The following STK32C variants were observed in gnomAD, a reference collection of about 807,000 sequenced individuals.
STK32C encodes serine/threonine-protein kinase 32C.
Under a neutral mutation model 56.5 loss-of-function variants are expected in STK32C, and 31 were observed. That is an observed-to-expected ratio of 0.55 (90% confidence interval 0.41 to 0.74). The LOEUF (loss-of-function observed/expected upper bound fraction) is 0.74. Ranked by LOEUF, STK32C falls within the 30% of genes least tolerant of loss-of-function variation. STK32C has a pLI of 0.00. For synonymous variants in STK32C, 309 were observed against 289.4 expected (o/e 1.07, Z -0.69); for missense variants, 544 against 676.9 (o/e 0.80, Z 2.18).
chr10:132,245,817 G>C, intron 2 of STK32C, 83 bp downstream of exon 2: 1 of 1,392,260 alleles, frequency 7.2e-7, no homozygotes, highest in Non-Finnish European at 1.0e-6. Context: ...ATGGGAGTAG[G>C]TGGGCTCAGG....
At chr10:132,306,730 GTCA>G (rs1359639742) in intron 1 of STK32C, among the ~76,000 whole-genome samples, 1 of 152,254 alleles carries the variant, frequency 6.6e-6, no homozygotes, top group Non-Finnish European at 1.5e-5. Context: ...CATGAAATGT[GTCA>G]TCAATGTACG....
intron 8 of STK32C, among the ~76,000 whole-genome samples, 157 bp downstream of exon 8, chr10:132,224,250 G>C (rs927872487): frequency 7.2e-5 from 11 of 152,284 alleles, no homozygotes; most frequent in South Asian, 2.1e-4. Context: ...GCTTGGGGCT[G>C]CCATCTGCGG....
At chr10:132,310,047 C>A (rs1039463599), upstream of STK32C, among the ~76,000 whole-genome samples, 8 of 152,176 alleles carry the variant, frequency 5.3e-5, no homozygotes, top group Admixed American at 2.6e-4. The surrounding 1 kb of genome is among the most constrained non-coding windows in gnomAD (Gnocchi z 4.6). Flanking sequence ...GCCTCCCCGG[C>A]CCGGGCAGTT....
rs1447445365 is a variant in STK32C at position 132,208,956 on chromosome 10, C to T, written c.1319+78G>A. 64 of 1,400,658 alleles carry T rather than the reference C, an allele frequency of 4.6e-5. No homozygotes were observed. In the East Asian group the frequency reaches 1.4e-3, roughly 31 times the overall value. 86.8% of individuals were successfully genotyped at this position (1,400,658 alleles called of 1,614,324 possible). A position where few individuals can be genotyped will look rare whatever the true frequency, so the allele number is the denominator to read the frequency against. On this transcript the variant is annotated intron_variant, in intron 11 of 11. Coordinates refer to ENST00000298630, the MANE Select transcript of STK32C (RefSeq NM_173575.4). ...CCCCAGGCCCACAGGTGCCCGCTCA[C>T]GTGGCCAAGAAAACCTTAACCTTAG...
intron 2 of STK32C, among the ~76,000 whole-genome samples, chr10:132,245,646 G>A (rs1268305303): frequency 6.6e-6 from 1 of 152,234 alleles, no homozygotes; most frequent in African/African-American, 2.4e-5. Flanking sequence ...CCAAAGCTGC[G>A]ATTTTGTCCT....
At chr10:132,224,002 G>A (rs2062779724) in intron 8 of STK32C, among the ~76,000 whole-genome samples, 1 of 152,212 alleles carries the variant, frequency 6.6e-6, no homozygotes, top group Admixed American at 6.5e-5. Context: ...AGGAGGCACT[G>A]GGGCAAAGGG....
At chr10:132,291,014 G>A (rs1024538872) in intron 1 of STK32C, among the ~76,000 whole-genome samples, 2 of 152,166 alleles carry the variant, frequency 1.3e-5, no homozygotes, top group South Asian at 2.1e-4. Flanking sequence ...CCTCCCTTCC[G>A]GCTCTCTCCT....
At chr10:132,225,923 T>C in intron 4 of STK32C, 139 bp from the exon 5 acceptor site, 1 of 1,134,598 alleles carries the variant, frequency 8.8e-7, no homozygotes, top group South Asian at 1.4e-5. Flanking sequence ...GACTTGGTCC[T>C]TGGATGATGC....
chr10:132,248,949 G>C, intron 1 of STK32C: 1 of 456,692 alleles, frequency 2.2e-6, no homozygotes, highest in Non-Finnish European at 4.4e-6. Context: ...GAGAGGAAAA[G>C]GATGGGAAAC....
At chr10:132,304,874 C>G (rs1381078851) in intron 1 of STK32C, among the ~76,000 whole-genome samples, 1 of 152,234 alleles carries the variant, frequency 6.6e-6, no homozygotes, top group East Asian at 1.9e-4. Context: ...CAAAGCCCCT[C>G]AGGGAGGAGC....
chr10:132,289,400 A>C (rs913525603), intron 1 of STK32C, among the ~76,000 whole-genome samples: 1 of 152,238 alleles, frequency 6.6e-6, no homozygotes, highest in East Asian at 1.9e-4. Flanking sequence ...AACACAGTGC[A>C]TCTGTCCACC....
At chr10:132,262,995 G>A (rs1276544188) in intron 1 of STK32C, among the ~76,000 whole-genome samples, 1 of 152,198 alleles carries the variant, frequency 6.6e-6, no homozygotes, top group Non-Finnish European at 1.5e-5. Flanking sequence ...TACACTATTA[G>A]TGGGAATCTA....
chr10:132,226,478 A>G (rs947943248), intron 4 of STK32C, among the ~76,000 whole-genome samples: 2 of 152,200 alleles, frequency 1.3e-5, no homozygotes, highest in African/African-American at 4.8e-5. Flanking sequence ...AGGAGCCTTC[A>G]GTTAAATGGA....
intron 1 of STK32C, among the ~76,000 whole-genome samples, chr10:132,291,540 C>A (rs10870287): frequency 3.9e-5 from 6 of 152,058 alleles, no homozygotes; most frequent in East Asian, 3.9e-4. Context: ...GCTGTGCCCA[C>A]GAGATGCCAG....
intron 1 of STK32C, among the ~76,000 whole-genome samples, chr10:132,249,482 C>G (rs12218018): frequency 0.051 from 7,829 of 152,206 alleles, 586 homozygotes; most frequent in African/African-American, 0.16. Flanking sequence ...GCAGGGCTCA[C>G]CGCACCAGCG....
At chr10:132,238,503 G>T (rs1315295745) in intron 2 of STK32C, among the ~76,000 whole-genome samples, 1 of 152,210 alleles carries the variant, frequency 6.6e-6, no homozygotes, top group African/African-American at 2.4e-5. Flanking sequence ...GGAAAGCCAG[G>T]TGAGCAGGTT....
At chr10:132,260,203 T>C (rs1164082993) in intron 1 of STK32C, among the ~76,000 whole-genome samples, 3 of 152,166 alleles carry the variant, frequency 2.0e-5, no homozygotes, top group Non-Finnish European at 4.4e-5. Context: ...CCCAGCCACG[T>C]TGTCAGGGAC....
intron 1 of STK32C, among the ~76,000 whole-genome samples, chr10:132,302,204 C>T (rs2065930210): frequency 6.6e-6 from 1 of 152,230 alleles, no homozygotes; most frequent in Non-Finnish European, 1.5e-5. Context: ...GAGAATCAAT[C>T]CCTCAACAAA....
chr10:132,311,266 G>A (rs988124227), upstream of STK32C, among the ~76,000 whole-genome samples: 12 of 152,176 alleles, frequency 7.9e-5, no homozygotes, highest in Non-Finnish European at 1.5e-4. The surrounding 1 kb of genome is among the most constrained non-coding windows in gnomAD (Gnocchi z 4.4). Context: ...CAGATCACAC[G>A]ATTCGTGTGT....
Sources: allele counts gnomAD v4.1 joint callset (sites outside exome capture counted in the v4.1 genomes callset), GRCh38; gene constraint gnomAD v4.1.1; non-coding constraint Gnocchi (gnomAD v3.1); transcripts MANE v1.5; gene names NCBI Gene and HGNC (gene_info 2026-07-23, HGNC 2026-07-21).